OTUD7A: variants seen among roughly 807,000 people sequenced by gnomAD.
OTUD7A encodes the protein OTU domain-containing protein 7A.
Under a neutral mutation model 65.7 loss-of-function variants are expected in OTUD7A, and 12 were observed. The ratio of observed to expected loss-of-function variants is 0.18; its 90% CI spans 0.12 to 0.30. The LOEUF (loss-of-function observed/expected upper bound fraction) is 0.30. Among genes scored for constraint, OTUD7A ranks in the 10% least tolerant of loss-of-function variants. The pLI, the probability that OTUD7A is intolerant of heterozygous loss-of-function variation, is 1.00. For synonymous variants in OTUD7A, 641 were observed against 586.3 expected, an observed-to-expected ratio of 1.09 and a Z score of -1.35; for missense variants, 1,148 against 1,304.8, an observed-to-expected ratio of 0.88 and a Z score of 1.85.
At chr15:31,632,440 T>C (rs1891198294) in intron 3 of OTUD7A, among the ~76,000 whole-genome samples, 1 of 152,184 alleles carries the variant, frequency 6.6e-6, no homozygotes, top group Admixed American at 6.5e-5. Flanking sequence ...GAACAGCAGA[T>C]CTTGGTGAAC....
At chr15:31,690,429 C>A (rs1892936181) in intron 1 of OTUD7A, among the ~76,000 whole-genome samples, 1 of 151,960 alleles carries the variant, frequency 6.6e-6, no homozygotes, top group Non-Finnish European at 1.5e-5. Context: ...TGCAAAAGAA[C>A]AGAATCAATA....
Position 31,501,803 on chromosome 15 carries a change from G to C in OTUD7A, c.1058C>G (p.Pro353Arg). The change falls in exon 10 of 13, where the codon CCC becomes CGC. Residue 353 changes from proline (P) to arginine (R), a missense_variant. Physicochemically the swap from Pro to Arg is moderately radical, Grantham distance 103. Around this residue, in one of 6 missense-constraint regions of OTUD7A, gnomAD observed 58 missense variants for 131.4 expected, o/e 0.44. Transcript: ENST00000307050. ...APIPFGGIYL[P>R]LEVPPNRCHC... Reference sequence around the variant, plus strand: ...GCATCTGTTGGGAGGGACCTCCAAGGGCAGGTAGATCCCTCCGAATGGGAT... The same window carrying C: ...GCATCTGTTGGGAGGGACCTCCAAGCGCAGGTAGATCCCTCCGAATGGGAT... The C allele has an allele frequency of 6.2e-7, 1 of 1,614,082 alleles. No individual in the cohort carries two copies. Among genetic ancestry groups the C allele is most frequent in the Non-Finnish European group, 8.5e-7 (1 of 1,179,962 alleles).
chr15:31,629,591 G>A (rs1891077114), intron 3 of OTUD7A, among the ~76,000 whole-genome samples: 1 of 152,126 alleles, frequency 6.6e-6, no homozygotes, highest in South Asian at 2.1e-4. Flanking sequence ...TTGGTATCAG[G>A]ATGATGCTGG....
intron 1 of OTUD7A, among the ~76,000 whole-genome samples, chr15:31,830,158 C>T (rs1278546149): frequency 1.3e-5 from 2 of 152,132 alleles, no homozygotes; most frequent in African/African-American, 4.8e-5. Context: ...AGGTTTATGC[C>T]TTAAATCAAA....
chr15:31,715,045 A>G (rs1169572835), intron 1 of OTUD7A, among the ~76,000 whole-genome samples: 2 of 151,962 alleles, frequency 1.3e-5, no homozygotes, highest in Non-Finnish European at 2.9e-5. Flanking sequence ...CTGAGGTAGG[A>G]GAATTGCTTG....
intron 1 of OTUD7A, among the ~76,000 whole-genome samples, chr15:31,777,761 G>C (rs1324019650): frequency 1.3e-5 from 2 of 152,220 alleles, no homozygotes. Flanking sequence ...TGCCTAAAGG[G>C]GGCTGAGTGA....
intron 3 of OTUD7A, among the ~76,000 whole-genome samples, chr15:31,647,295 C>T (rs1422929711): frequency 9.2e-5 from 14 of 152,198 alleles, no homozygotes; most frequent in South Asian, 2.1e-4. Context: ...GTCCTCTAAT[C>T]GCACACACTT....
chr15:31,678,090 T>C (rs1321272169), intron 1 of OTUD7A, among the ~76,000 whole-genome samples: 1 of 152,220 alleles, frequency 6.6e-6, no homozygotes, highest in Non-Finnish European at 1.5e-5. Flanking sequence ...ATTTTGCCCC[T>C]GCCCTAGGGA....
intron 1 of OTUD7A, among the ~76,000 whole-genome samples, chr15:31,792,830 G>A (rs1009954811): frequency 6.6e-6 from 1 of 152,202 alleles, no homozygotes; most frequent in African/African-American, 2.4e-5. Flanking sequence ...GCTGGGTTGA[G>A]GGGCTGTCCT....
intron 10 of OTUD7A, among the ~76,000 whole-genome samples, chr15:31,488,515 T>C (rs2041271465): frequency 6.6e-6 from 1 of 152,024 alleles, no homozygotes; most frequent in South Asian, 2.1e-4. Flanking sequence ...CCCAAGTCTT[T>C]CCTCGCAACA....
At chr15:31,535,543 G>C (rs1226107733) in intron 5 of OTUD7A, among the ~76,000 whole-genome samples, 1 of 151,974 alleles carries the variant, frequency 6.6e-6, no homozygotes, top group Non-Finnish European at 1.5e-5. Context: ...TTACCCAAGA[G>C]AAATGAAAAC....
intron 10 of OTUD7A, among the ~76,000 whole-genome samples, chr15:31,496,589 G>A (rs1027510944): frequency 2.6e-5 from 4 of 152,208 alleles, no homozygotes; most frequent in Non-Finnish European, 4.4e-5. Flanking sequence ...CTTGTAACAT[G>A]TAAAGATACA....
intron 1 of OTUD7A, among the ~76,000 whole-genome samples, chr15:31,715,121 G>A (rs2141341911): frequency 6.6e-6 from 1 of 152,040 alleles, no homozygotes; most frequent in South Asian, 2.1e-4. Flanking sequence ...GCAACAGTGA[G>A]ACTCTGTCTC....
At chr15:31,716,851 T>G (rs1368857668) in intron 1 of OTUD7A, among the ~76,000 whole-genome samples, 1 of 152,200 alleles carries the variant, frequency 6.6e-6, no homozygotes, top group Non-Finnish European at 1.5e-5. Flanking sequence ...ACCGTGGGGA[T>G]GAGCCACAAA....
At chr15:31,747,832 C>T (rs1051811112) in intron 1 of OTUD7A, among the ~76,000 whole-genome samples, 2 of 152,162 alleles carry the variant, frequency 1.3e-5, no homozygotes, top group Non-Finnish European at 2.9e-5. Flanking sequence ...TGGGACAAAT[C>T]AACACCATAC....
intron 1 of OTUD7A, among the ~76,000 whole-genome samples, chr15:31,717,046 T>G (rs951494157): frequency 2.0e-5 from 3 of 152,182 alleles, no homozygotes; most frequent in Admixed American, 6.5e-5. Flanking sequence ...AGGTTAAAGT[T>G]TTACATTTAT....
At chr15:31,749,649 A>G (rs1297918237) in intron 1 of OTUD7A, among the ~76,000 whole-genome samples, 1 of 152,176 alleles carries the variant, frequency 6.6e-6, no homozygotes, top group Non-Finnish European at 1.5e-5. Context: ...CTAGAACAAC[A>G]TGAGGATGCC....
chr15:31,592,064 C>T (rs1889742047), intron 3 of OTUD7A, among the ~76,000 whole-genome samples: 1 of 152,164 alleles, frequency 6.6e-6, no homozygotes, highest in African/African-American at 2.4e-5. Context: ...GCACAGGGCA[C>T]TTACCATGAA....
intron 1 of OTUD7A, among the ~76,000 whole-genome samples, chr15:31,855,724 AAT>A (rs1213798817): frequency 6.6e-6 from 1 of 152,244 alleles, no homozygotes; most frequent in African/African-American, 2.4e-5. Flanking sequence ...AGGAAGCACT[AAT>A]ATGCAAATTT....
Sources: allele counts gnomAD v4.1 joint callset (sites outside exome capture counted in the v4.1 genomes callset), GRCh38; gene constraint gnomAD v4.1.1; regional missense constraint gnomAD v4.1.1; transcripts MANE v1.5; gene names NCBI Gene and HGNC (gene_info 2026-07-23, HGNC 2026-07-21).